KIFC3: variants seen among roughly 807,000 people sequenced by gnomAD.
The protein encoded by KIFC3 is kinesin family member C3.
In KIFC3, 60 loss-of-function variants were observed where a neutral mutation model predicts 101.8. The observed-to-expected ratio is 0.59, with a 90% CI of 0.48 to 0.73. The LOEUF is 0.73. Among genes scored for constraint, KIFC3 ranks in the 30% least tolerant of loss-of-function variants. The pLI is 0.00. For missense variants in KIFC3, 966 were observed against 1,137.1 expected, an observed-to-expected ratio of 0.85 and a Z score of 2.16; for synonymous variants, 476 against 482.7, an observed-to-expected ratio of 0.99 and a Z score of 0.18.
Position 57,764,126 on chromosome 16 carries a change from C to G in KIFC3, c.1617+17G>C. On this transcript the variant is annotated intron_variant, in intron 12 of 19. Coordinates refer to ENST00000445690, the MANE Select transcript of KIFC3 (RefSeq NM_001130100.2). ...CATGCTTCACTGTGAACCCCCACCC[C>G]ATTGGGCAGCACCCACCTCCATCGT... The G allele has an allele frequency of 6.3e-7, 1 of 1,581,818 alleles. No homozygotes were observed.
At chr16:57,818,144 A>C (rs1555629245) in intron 1 of KIFC3, among the ~76,000 whole-genome samples, 1 of 151,192 alleles carries the variant, frequency 6.6e-6, no homozygotes, top group Non-Finnish European at 1.5e-5. Flanking sequence ...ATGGAATTTC[A>C]CCATGTTGGC....
At chr16:57,793,352 G>C (rs528676258) in intron 3 of KIFC3, among the ~76,000 whole-genome samples, 2 of 151,536 alleles carry the variant, frequency 1.3e-5, no homozygotes, top group Admixed American at 1.3e-4. Flanking sequence ...CAGCACTTTG[G>C]GAGGCTGGGG....
rs373532864 is a variant in KIFC3 at position 57,849,261 on chromosome 16, TAAAC to T, written c.108+13464_108+13467del. 6.6e-4 allele frequency among the ~76,000 whole-genome samples: 101 copies of T among 152,282 alleles called. 3 individuals carry two copies. In the South Asian group the frequency reaches 0.019, roughly 28 times the overall value. On this transcript the variant is annotated intron_variant, in intron 1 of 2. Transcript: ENST00000563028. ...CTCAGTAGAAAGGGTACGTTGTAAA[TAAAC>T]AAAGCAATGAAACCCAGATTTCATT...
chr16:57,794,896 G>A (rs2054166539), intron 3 of KIFC3, 103 bp downstream of exon 3: 6 of 1,135,388 alleles, frequency 5.3e-6, no homozygotes, highest in African/African-American at 1.6e-5. Context: ...GTGGGTCCCC[G>A]GCTCTCCCCA....
chr16:57,772,173 A>G, intron 4 of KIFC3, 50 bp downstream of exon 4: 1 of 1,549,800 alleles, frequency 6.5e-7, no homozygotes, highest in Non-Finnish European at 8.8e-7. Context: ...GCCCATCTGC[A>G]CAAGGCAGGC....
Position 57,802,489 on chromosome 16 carries a change from C to T in KIFC3, c.-159G>A. On this transcript the variant is annotated 5_prime_UTR_variant, in exon 1 of 20. Transcript: ENST00000445690. This position sits in a 1 kb window ranked among gnomAD's most constrained non-coding sequence, Gnocchi z 5.0. ...CCTCCTCGGCCAGCCCGCTCGCGCC[C>T]CTCCCGCACACTTTCCACAGGAAAT... The T allele has an allele frequency of 1.0e-6, 1 of 983,622 alleles. No individual in the cohort carries two copies. The highest frequency in any genetic ancestry group is 4.7e-5 in the South Asian group (1 of 21,298). The allele number at this position is 983,622 out of a possible 1,614,324, so 60.9% of individuals were successfully genotyped here. A position where few individuals can be genotyped will look rare whatever the true frequency, so the allele number is the denominator to read the frequency against.
chr16:57,760,105 GA>G (rs1388809580), intron 17 of KIFC3, 176 bp downstream of exon 17: 1 of 789,200 alleles, frequency 1.3e-6, no homozygotes, highest in Non-Finnish European at 2.0e-6. Flanking sequence ...AGGCCAAGAA[GA>G]AATACCTGTA....
intron 12 of KIFC3, among the ~76,000 whole-genome samples, chr16:57,763,697 C>T (rs973469216): frequency 1.3e-5 from 2 of 152,182 alleles, no homozygotes; most frequent in East Asian, 1.9e-4. Flanking sequence ...CTGGGCTCCC[C>T]ACAACAGCCT....
chr16:57,843,138 A>AAT (rs1167897488), intron 1 of KIFC3, among the ~76,000 whole-genome samples: 1 of 152,102 alleles, frequency 6.6e-6, no homozygotes, highest in Non-Finnish European at 1.5e-5. Flanking sequence ...TGTCTCAAAA[A>AAT]ATATATATAT....
intron 2 of KIFC3, among the ~76,000 whole-genome samples, chr16:57,795,640 A>T (rs2054228734): frequency 6.6e-6 from 1 of 152,202 alleles, no homozygotes; most frequent in African/African-American, 2.4e-5. Flanking sequence ...GCTAACGTGC[A>T]TCCCCTTGTG....
chr16:57,788,079 A>G (rs1416007835), intron 3 of KIFC3, among the ~76,000 whole-genome samples: 2 of 152,198 alleles, frequency 1.3e-5, no homozygotes, highest in Admixed American at 6.5e-5. Flanking sequence ...CCTGGGCACC[A>G]TGGCAGGCCC....
intron 1 of KIFC3, among the ~76,000 whole-genome samples, chr16:57,859,749 T>C (rs1415949660): frequency 2.0e-5 from 3 of 151,992 alleles, no homozygotes; most frequent in Non-Finnish European, 2.9e-5. Flanking sequence ...CAAGGCAGGG[T>C]GCAGTGACTC....
Position 57,782,934 on chromosome 16 carries a change from G to A in KIFC3, c.316-10646C>T, listed in dbSNP as rs145624266. Among the ~76,000 whole-genome samples, 836 of 152,234 alleles carry A rather than the reference G, an allele frequency of 5.5e-3. 10 individuals carry two copies. The highest frequency in any genetic ancestry group is 0.034 in the South Asian group (165 of 4,820). ...GCATTCCAGCCTGGGCAACAAGAGC[G>A]AAACTCCATCTCAAAAAAGAAAAAG... On this transcript the variant is annotated intron_variant, in intron 3 of 19. Transcript: ENST00000445690.
At chr16:57,830,225 CTTTTTTCTTTCTTTTTTTT>C (rs2055547291) in intron 1 of KIFC3, among the ~76,000 whole-genome samples, 1 of 142,944 alleles carries the variant, frequency 7.0e-6, no homozygotes, top group Admixed American at 7.1e-5. Context: ...GTTTTCCTTT[CTTTTTTCTTTCTTTTTTTT>C]TTTTTTTTTT....
chr16:57,795,887 T>G (rs1464885181), intron 2 of KIFC3, among the ~76,000 whole-genome samples: 9 of 32,242 alleles, frequency 2.8e-4, no homozygotes, highest in Non-Finnish European at 8.2e-4. Context: ...CTTTTTTGTT[T>G]TTTTTTTTTT....
upstream of KIFC3, among the ~76,000 whole-genome samples, chr16:57,805,673 CTTTT>C (rs5817120): frequency 5.1e-5 from 5 of 97,984 alleles, no homozygotes; most frequent in Admixed American, 1.1e-4. Context: ...TGCCCATAGA[CTTTT>C]TTTTTTTTTT....
At chr16:57,813,897 G>A (rs954984353) in intron 1 of KIFC3, 3 of 981,818 alleles carry the variant, frequency 3.1e-6, no homozygotes, top group Non-Finnish European at 3.6e-6. Flanking sequence ...CAGAGGTGAA[G>A]GGATCTACCC....
At chr16:57,789,341 G>A (rs782285323) in intron 3 of KIFC3, among the ~76,000 whole-genome samples, 1 of 152,222 alleles carries the variant, frequency 6.6e-6, no homozygotes, top group Non-Finnish European at 1.5e-5. Flanking sequence ...GAGAGCCAGT[G>A]CACAGGCACA....
chr16:57,858,679 G>A (rs935022997), intron 1 of KIFC3, among the ~76,000 whole-genome samples: 5 of 152,086 alleles, frequency 3.3e-5, no homozygotes, highest in South Asian at 2.1e-4. Flanking sequence ...GGGTGCAGTG[G>A]CTCACACCTG....
Sources: gnomAD v4.1 joint callset for allele counts (sites outside exome capture counted in the v4.1 genomes callset) on GRCh38, gnomAD v4.1.1 for gene constraint, Gnocchi (gnomAD v3.1) non-coding constraint, MANE v1.5 for transcripts, NCBI Gene and HGNC (gene_info 2026-07-23, HGNC 2026-07-21) for gene names.